Variants in CCDC148 observed in about 807,000 individuals in gnomAD.
CCDC148 encodes the protein coiled-coil domain-containing protein 148.
CCDC148 carries 89 observed loss-of-function variants against 85.7 expected under a neutral mutation model. The ratio of observed to expected loss-of-function variants is 1.04; its 90% CI spans 0.87 to 1.24. The LOEUF is 1.24. CCDC148 is among the 50% of genes most tolerant of loss of function. CCDC148 has a pLI of 0.00. For missense variants in CCDC148, 692 were observed against 671.7 expected (o/e 1.03, Z -0.33); for synonymous variants, 230 against 213.9 (o/e 1.08, Z -0.66).
At chr2:158,435,115 A>C (rs539249859) in intron 1 of CCDC148, among the ~76,000 whole-genome samples, 1 of 152,290 alleles carries the variant, frequency 6.6e-6, no homozygotes, top group East Asian at 1.9e-4. Context: ...CAAATTCAGG[A>C]AATACAGAGA....
At chr2:158,273,745 C>T (rs902965947) in intron 9 of CCDC148, among the ~76,000 whole-genome samples, 1 of 152,134 alleles carries the variant, frequency 6.6e-6, no homozygotes, top group Non-Finnish European at 1.5e-5. Context: ...TTCACTGTGC[C>T]ATCCCTCCAT....
intron 1 of CCDC148, among the ~76,000 whole-genome samples, chr2:158,398,228 A>T (rs10189126): frequency 0.72 from 108,855 of 151,756 alleles, 39,859 homozygotes; most frequent in East Asian, 0.82. Context: ...CAAGACAGAA[A>T]ATTAACAAGG....
intron 1 of CCDC148, among the ~76,000 whole-genome samples, chr2:158,426,135 A>T (rs925538089): frequency 1.7e-5 from 2 of 120,306 alleles, no homozygotes; most frequent in African/African-American, 5.1e-5. Flanking sequence ...ACTATAGTTT[A>T]AAGTAGTGAA....
intron 9 of CCDC148, among the ~76,000 whole-genome samples, chr2:158,303,062 A>G (rs1170932841): frequency 6.6e-6 from 1 of 152,170 alleles, no homozygotes; most frequent in Non-Finnish European, 1.5e-5. Context: ...GAGACAGAGA[A>G]AGAGAGCACG....
At chr2:158,265,414 T>C (rs923212944) in intron 9 of CCDC148, among the ~76,000 whole-genome samples, 9 of 152,140 alleles carry the variant, frequency 5.9e-5, no homozygotes, top group Non-Finnish European at 1.0e-4. Context: ...TTTTCATACG[T>C]GTGACTCCTC....
intron 10 of CCDC148, among the ~76,000 whole-genome samples, chr2:158,248,161 T>G (rs369107078): frequency 2.6e-5 from 4 of 152,044 alleles, no homozygotes; most frequent in African/African-American, 9.7e-5. Context: ...AGTCACAAAT[T>G]ATATGTCAAA....
Position 158,267,222 on chromosome 2 carries a change from TTTG to T in CCDC148, c.1111-16313_1111-16311del, listed in dbSNP as rs199874580. 7.2e-3 allele frequency among the ~76,000 whole-genome samples: 1,095 copies of T among 152,172 alleles called. 9 individuals carry two copies. The highest frequency in any genetic ancestry group is 0.021 in the African/African-American group (859 of 41,530). On this transcript the variant is annotated intron_variant, in intron 9 of 13. Coordinates refer to ENST00000283233, the MANE Select transcript of CCDC148 (RefSeq NM_138803.4). Reference sequence around the variant, plus strand: ...CCAAACATCAAACTCGCCGTGCTTTTTTGCAGCTCCCGTGGCTTTGGATAGTCT... The same window carrying T: ...CCAAACATCAAACTCGCCGTGCTTTTCAGCTCCCGTGGCTTTGGATAGTCT...
intron 9 of CCDC148, among the ~76,000 whole-genome samples, chr2:158,294,865 G>T (rs947150926): frequency 1.3e-5 from 2 of 148,702 alleles, no homozygotes; most frequent in Non-Finnish European, 3.0e-5. Flanking sequence ...GTTGCACAAA[G>T]TGACCATGTT....
chr2:158,211,560 C>T (rs901023797), intron 11 of CCDC148, among the ~76,000 whole-genome samples: 6 of 152,178 alleles, frequency 3.9e-5, no homozygotes, highest in East Asian at 1.9e-4. Context: ...TAGCACACAA[C>T]GAAAATCCAG....
At chr2:158,373,956 T>C (rs1684552212) in intron 1 of CCDC148, among the ~76,000 whole-genome samples, 1 of 152,110 alleles carries the variant, frequency 6.6e-6, no homozygotes, top group Admixed American at 6.6e-5. Flanking sequence ...CCCTGTTAGA[T>C]ATTCAATACA....
At chr2:158,435,756 A>G (rs761641624) in intron 1 of CCDC148, among the ~76,000 whole-genome samples, 2 of 152,140 alleles carry the variant, frequency 1.3e-5, no homozygotes, top group African/African-American at 2.4e-5. Flanking sequence ...GACAAACATA[A>G]GCTCAAAATA....
At chr2:158,278,595 G>A (rs1690085068) in intron 9 of CCDC148, among the ~76,000 whole-genome samples, 1 of 152,206 alleles carries the variant, frequency 6.6e-6, no homozygotes, top group Admixed American at 6.5e-5. Context: ...CCATTGCCCA[G>A]GCTTGCTTAG....
intron 9 of CCDC148, among the ~76,000 whole-genome samples, chr2:158,302,089 T>TG (rs796535686): frequency 3.7e-4 from 56 of 152,056 alleles, no homozygotes; most frequent in African/African-American, 1.1e-3. Flanking sequence ...CTAAAGTAGT[T>TG]GGGGGGGTCA....
At chr2:158,425,495 A>G (rs1435611297) in intron 1 of CCDC148, among the ~76,000 whole-genome samples, 1 of 146,038 alleles carries the variant, frequency 6.8e-6, no homozygotes, top group African/African-American at 2.5e-5. Flanking sequence ...GTCCTTTGCT[A>G]TCTGTTATGA....
intron 7 of CCDC148, among the ~76,000 whole-genome samples, chr2:158,328,529 A>T (rs1226271631): frequency 2.8e-4 from 43 of 152,272 alleles, no homozygotes; most frequent in Non-Finnish European, 8.8e-5. Context: ...GTATATACCC[A>T]GTAATGGGAT....
At chr2:158,226,157 TCA>T (rs1295867443) in intron 10 of CCDC148, among the ~76,000 whole-genome samples, 1 of 152,048 alleles carries the variant, frequency 6.6e-6, no homozygotes, top group African/African-American at 2.4e-5. Flanking sequence ...CAAACTACCA[TCA>T]GAGAATACTA....
At chr2:158,346,665 C>T (rs773061905) in intron 2 of CCDC148, among the ~76,000 whole-genome samples, 16 of 152,124 alleles carry the variant, frequency 1.1e-4, no homozygotes, top group East Asian at 5.8e-4. Flanking sequence ...AAACTACAAA[C>T]GTGTACATCA....
chr2:158,390,710 G>A (rs1297508539), intron 1 of CCDC148, among the ~76,000 whole-genome samples: 1 of 152,158 alleles, frequency 6.6e-6, no homozygotes, highest in African/African-American at 2.4e-5. Flanking sequence ...TGAAGGTGAT[G>A]TTTATTCTGA....
In CCDC148 at chr2:158,425,029, C is replaced by T. The variant is rs1266693691; in HGVS notation, c.25+31386G>A. ...CAAAAAGGAAGAACAGGTGCTGCAA[C>T]CAGTGAATGAGGGGGCCCTAGGGGG... is the stretch of plus-strand genomic sequence containing the variant. On this transcript the variant is annotated intron_variant, in intron 1 of 13. Transcript: ENST00000283233. The T allele has an allele frequency of 5.2e-5, 22 of 424,994 alleles. No homozygotes were observed. The East Asian group carries it at 1.2e-3, about 24-fold the overall frequency. The allele number at this position is 424,994 out of a possible 1,614,324, so 26.3% of individuals were successfully genotyped here. A position where few individuals can be genotyped will look rare whatever the true frequency, so the allele number is the denominator to read the frequency against.
Sources: gnomAD v4.1 joint callset for allele counts (sites outside exome capture counted in the v4.1 genomes callset) on GRCh38, gnomAD v4.1.1 for gene constraint, MANE v1.5 for transcripts, NCBI Gene and HGNC (gene_info 2026-07-23, HGNC 2026-07-21) for gene names.